TM2D1: variants seen among roughly 807,000 people sequenced by gnomAD.
TM2D1 encodes the protein TM2 domain containing 1.
In TM2D1, 15 loss-of-function variants were observed where a neutral mutation model predicts 28.4. That is an observed-to-expected ratio of 0.53 (90% confidence interval 0.35 to 0.81). The LOEUF (loss-of-function observed/expected upper bound fraction) is 0.81, where lower values mean the gene tolerates loss of function less well. TM2D1 is among the 40% of genes least tolerant of loss of function. The pLI is 0.01. For synonymous variants in TM2D1, 93 were observed against 96.2 expected, an observed-to-expected ratio of 0.97 and a Z score of 0.20; for missense variants, 236 against 254.9, an observed-to-expected ratio of 0.93 and a Z score of 0.50.
At chr1:61,721,086 C>T (rs1214031807) in intron 2 of TM2D1, among the ~76,000 whole-genome samples, 1 of 151,982 alleles carries the variant, frequency 6.6e-6, no homozygotes, top group East Asian at 1.9e-4. Flanking sequence ...AAAAAATTAG[C>T]CAGGTGTAGT....
chr1:61,700,263 C>T (rs1644392076), intron 4 of TM2D1: 3 of 1,501,202 alleles, frequency 2.0e-6, no homozygotes, highest in South Asian at 2.7e-5. Flanking sequence ...TCTCTGGTGA[C>T]AGTTTCCTTA....
At chr1:61,691,477 AAGAGC>A (rs1644324186) in intron 5 of TM2D1, among the ~76,000 whole-genome samples, 1 of 141,584 alleles carries the variant, frequency 7.1e-6, no homozygotes, top group African/African-American at 2.6e-5. Context: ...CCTGGACGAC[AAGAGC>A]AAAACTCCAT....
In TM2D1 at chr1:61,682,294, G is replaced by A. The variant is rs181074881; in HGVS notation, c.*20-944C>T. On this transcript the variant is annotated intron_variant, in intron 6 of 6. Transcript: ENST00000606498. ...ATCTACCCTGTCTTTCTCTCTACCT[G>A]TCTGTGTCTATGAAAGCTTCTAGAC... Among the ~76,000 whole-genome samples the A allele has an allele frequency of 1.9e-4, 29 of 152,242 alleles. No individual in the cohort carries two copies. The East Asian group carries it at 5.6e-3, about 29-fold the overall frequency.
At chr1:61,683,981 T>C (rs1470499411) in intron 5 of TM2D1, 1 of 156,024 alleles carries the variant, frequency 6.4e-6, no homozygotes, top group East Asian at 1.9e-4. Context: ...ATCTGCTTGG[T>C]TTTTATGCGT....
At chr1:61,711,730 G>T (rs1466251161) in intron 2 of TM2D1, among the ~76,000 whole-genome samples, 4 of 151,916 alleles carry the variant, frequency 2.6e-5, no homozygotes. Context: ...ATTGACTTTT[G>T]CCAATGAATT....
In TM2D1 at chr1:61,697,590, T is replaced by A. The variant is rs538029976; in HGVS notation, c.440-2820A>T. On this transcript the variant is annotated intron_variant, in intron 4 of 6. Coordinates refer to ENST00000606498, the MANE Select transcript of TM2D1 (RefSeq NM_032027.3). ...ATGACCTAAATGACATGCAATGACATACACTGTACATATTTAAAATGTACA... is the reference window on the plus strand; with the variant it reads ...ATGACCTAAATGACATGCAATGACAAACACTGTACATATTTAAAATGTACA... The A allele has an allele frequency of 6.5e-4, 99 of 152,294 alleles. 1 individual carries two copies. The highest frequency in any genetic ancestry group is 2.3e-3 in the African/African-American group (94 of 41,562). 9.4% of individuals were successfully genotyped at this position (152,294 alleles called of 1,614,324 possible). A position where few individuals can be genotyped will look rare whatever the true frequency, so the allele number is the denominator to read the frequency against.
chr1:61,706,833 A>AG (rs1381151888), intron 3 of TM2D1, among the ~76,000 whole-genome samples: 12 of 118,810 alleles, frequency 1.0e-4, no homozygotes, highest in Non-Finnish European at 1.2e-4. Flanking sequence ...CTGTCTTAAA[A>AG]AAAAGAAAGA....
chr1:61,703,444 A>G, intron 3 of TM2D1, among the ~76,000 whole-genome samples: 1 of 138,046 alleles, frequency 7.2e-6, no homozygotes, highest in Admixed American at 7.6e-5. Context: ...ACAGAGTCTC[A>G]CTCTGTTGCC....
At chr1:61,716,363 T>A (rs1374169666) in intron 2 of TM2D1, among the ~76,000 whole-genome samples, 1 of 146,012 alleles carries the variant, frequency 6.8e-6, no homozygotes, top group East Asian at 2.0e-4. Context: ...ATATTTAATT[T>A]TATATATAAT....
At chr1:61,696,124 A>G (rs1407504445) in intron 4 of TM2D1, 2 of 152,228 alleles carry the variant, frequency 1.3e-5, no homozygotes, top group Non-Finnish European at 2.9e-5. Flanking sequence ...TTGCCCAAAG[A>G]AAATTGTCTG....
At position 61,683,486 on chromosome 1, in the gene TM2D1, T is replaced by C. The variant is rs777575952; in HGVS notation, c.574A>G (p.Arg192Gly). 1.8e-5 allele frequency: 28 copies of C among 1,544,222 alleles called. No homozygotes were observed. Among genetic ancestry groups the C allele is most frequent in the Middle Eastern group, 1.7e-4 (1 of 5,902 alleles). ...IIDYYGTRLT[R>G]LSITNETFRK... ...AATGTTTCATTAGTAATACTCAGTC[T>C]TGTAAGTCTGGTTCCATAGTAATCT... The change falls in exon 6 of 7, where the codon AGA (arginine) becomes GGA (glycine). Residue 192 changes from arginine to glycine, a missense_variant. Coordinates refer to ENST00000606498, the MANE Select transcript of TM2D1 (RefSeq NM_032027.3).
chr1:61,696,981 A>G (rs191024570), intron 4 of TM2D1, among the ~76,000 whole-genome samples: 1 of 152,198 alleles, frequency 6.6e-6, no homozygotes, highest in African/African-American at 2.4e-5. Flanking sequence ...TAATAACTGT[A>G]GTAGCAGAAA....
intron 2 of TM2D1, among the ~76,000 whole-genome samples, chr1:61,715,645 C>CAAAAAAAAAAAAAAAAAAAAA (rs759796747): frequency 6.1e-5 from 1 of 16,424 alleles, no homozygotes; most frequent in Non-Finnish European, 1.3e-4. Flanking sequence ...AAGACTGTCT[C>CAAAAAAAAAAAAAAAAAAAAA]AAAAAAAAAA....
At position 61,704,558 on chromosome 1, in the gene TM2D1, C is replaced by A. The variant is rs567661238; in HGVS notation, c.348-3533G>T. Among the ~76,000 whole-genome samples the A allele has an allele frequency of 1.3e-3, 203 of 151,748 alleles. 1 individual carries two copies. The highest frequency in any genetic ancestry group is 4.8e-3 in the African/African-American group (197 of 41,430). On this transcript the variant is annotated intron_variant, in intron 3 of 6. Coordinates refer to ENST00000606498, the MANE Select transcript of TM2D1 (RefSeq NM_032027.3). ...GTGATTCTCCTGCCTCAGCCTCCCG[C>A]GTAGCTAGGATTACAGGTGCCCACC...
chr1:61,694,720 C>A lies in TM2D1; in HGVS notation c.490G>T (p.Asp164Tyr). Residue 164 changes from aspartate to tyrosine, a missense_variant, in exon 5 of 7, where the codon GAT becomes TAT. Transcript: ENST00000606498. ...VGFCGIGSLI[D>Y]FILISMQIVG... ...ACCTGCATTGAAATAAGAATGAAAT[C>A]AATTAGGCTCCCAATTCCACAAAAC... is the stretch of plus-strand genomic sequence containing the variant. The A allele has an allele frequency of 6.2e-7, 1 of 1,605,970 alleles. No homozygotes were observed. The highest frequency in any genetic ancestry group is 8.5e-7 in the Non-Finnish European group (1 of 1,176,290).
chr1:61,684,660 G>A (rs1644270554), intron 5 of TM2D1, among the ~76,000 whole-genome samples: 1 of 105,350 alleles, frequency 9.5e-6, no homozygotes, highest in Non-Finnish European at 1.9e-5. Flanking sequence ...ATGCTGTTTT[G>A]ATCAACTGTG....
chr1:61,709,235 A>G, intron 3 of TM2D1, 94 bp downstream of exon 3: 3 of 761,730 alleles, frequency 3.9e-6, no homozygotes, highest in Non-Finnish European at 6.6e-6. Context: ...ATACATTTTC[A>G]GGATAGTCCC....
chr1:61,703,806 G>C (rs1026902688), intron 3 of TM2D1, among the ~76,000 whole-genome samples: 1 of 142,738 alleles, frequency 7.0e-6, no homozygotes, highest in African/African-American at 2.6e-5. Flanking sequence ...ACCCAGACTG[G>C]AGTGCAATGG....
chr1:61,709,943 G>A, intron 2 of TM2D1, among the ~76,000 whole-genome samples: 1 of 152,106 alleles, frequency 6.6e-6, no homozygotes, highest in East Asian at 1.9e-4. Context: ...TCTGGGGTTT[G>A]ATATAGATTA....
Sources: allele counts gnomAD v4.1 joint callset (sites outside exome capture counted in the v4.1 genomes callset), GRCh38; gene constraint gnomAD v4.1.1; transcripts MANE v1.5; gene names NCBI Gene and HGNC (gene_info 2026-07-23, HGNC 2026-07-21).